ZBTB20: variants seen among roughly 807,000 people sequenced by gnomAD.
The protein encoded by ZBTB20 is zinc finger and BTB domain containing 20.
A neutral mutation model predicts 56.9 loss-of-function variants in ZBTB20; 9 were observed. That is an observed-to-expected ratio of 0.16 (90% CI 0.10 to 0.28). ZBTB20 has a LOEUF of 0.28. Among genes scored for constraint, ZBTB20 ranks in the 10% least tolerant of loss-of-function variants. The pLI, the probability that ZBTB20 is intolerant of heterozygous loss-of-function variation, is 1.00. For missense variants in ZBTB20, 655 were observed against 1,003.0 expected (o/e 0.65, Z 4.69); for synonymous variants, 417 against 420.7 (o/e 0.99, Z 0.11).
intron 6 of ZBTB20, among the ~76,000 whole-genome samples, chr3:114,510,919 A>T (rs2045294939): frequency 6.6e-6 from 1 of 152,024 alleles, no homozygotes; most frequent in East Asian, 1.9e-4. Flanking sequence ...GAACAGACTC[A>T]TGTTTTTCCA....
intron 5 of ZBTB20, among the ~76,000 whole-genome samples, chr3:114,782,251 A>G (rs2070159183): frequency 1.3e-5 from 2 of 152,202 alleles, no homozygotes; most frequent in Admixed American, 6.5e-5. Flanking sequence ...CTTGAAGACA[A>G]AAACTGTCCC....
At chr3:114,772,602 A>G (rs2069297294) in intron 5 of ZBTB20, among the ~76,000 whole-genome samples, 1 of 152,180 alleles carries the variant, frequency 6.6e-6, no homozygotes, top group Admixed American at 6.5e-5. Flanking sequence ...ACCAAGTTTC[A>G]TAACATATAT....
At chr3:114,776,238 G>C (rs2069598231) in intron 5 of ZBTB20, among the ~76,000 whole-genome samples, 1 of 150,430 alleles carries the variant, frequency 6.6e-6, no homozygotes, top group Non-Finnish European at 1.5e-5. Context: ...TCTAACTCTT[G>C]GAGTCTGAAT....
At chr3:114,660,588 A>T (rs1560096720) in intron 6 of ZBTB20, among the ~76,000 whole-genome samples, 1 of 152,118 alleles carries the variant, frequency 6.6e-6, no homozygotes. Flanking sequence ...TAAATGATAG[A>T]GTAATTGCCT....
At chr3:115,041,314 A>G (rs1228642858) in intron 2 of ZBTB20, among the ~76,000 whole-genome samples, 1 of 152,166 alleles carries the variant, frequency 6.6e-6, no homozygotes, top group Admixed American at 6.6e-5. Context: ...AAGGAACGAA[A>G]CTGAGGCTCA....
At chr3:114,907,951 A>T (rs1404564827) in intron 3 of ZBTB20, among the ~76,000 whole-genome samples, 2 of 151,906 alleles carry the variant, frequency 1.3e-5, no homozygotes, top group Non-Finnish European at 2.9e-5. Context: ...AAATGATGGG[A>T]TTGGGAGTTG....
At chr3:114,988,112 T>A (rs1436209741) in intron 2 of ZBTB20, among the ~76,000 whole-genome samples, 1 of 150,730 alleles carries the variant, frequency 6.6e-6, no homozygotes, top group African/African-American at 2.4e-5. Context: ...TTTTTTTAAT[T>A]ATGCTTTAAG....
intron 4 of ZBTB20, among the ~76,000 whole-genome samples, chr3:114,870,425 T>G (rs2075954640): frequency 6.7e-6 from 1 of 150,288 alleles, no homozygotes; most frequent in Non-Finnish European, 1.5e-5. Flanking sequence ...CACATACTGG[T>G]TGACCATTCT....
At chr3:115,044,196 A>C (rs1253266359) in intron 2 of ZBTB20, among the ~76,000 whole-genome samples, 1 of 152,142 alleles carries the variant, frequency 6.6e-6, no homozygotes, top group African/African-American at 2.4e-5. Context: ...TAGCAATACA[A>C]GAATGGCCTA....
At chr3:114,862,549 G>A (rs570943437) in intron 4 of ZBTB20, among the ~76,000 whole-genome samples, 163 of 152,250 alleles carry the variant, frequency 1.1e-3, no homozygotes, top group Non-Finnish European at 2.1e-3. Context: ...ATTATTGAGT[G>A]TGCACCTTGT....
In ZBTB20 at chr3:115,029,691, A is replaced by G. The variant is rs554342895; in HGVS notation, c.-507+41528T>C. ...TGCTGAGACAACTGGTTAAATATTTAGAACAGAGTAAATTTAGAGCCTATC... is the reference window on the plus strand; with the variant it reads ...TGCTGAGACAACTGGTTAAATATTTGGAACAGAGTAAATTTAGAGCCTATC... On this transcript the variant is annotated intron_variant, in intron 2 of 11. Transcript: ENST00000675478. 4.6e-5 allele frequency among the ~76,000 whole-genome samples: 7 copies of G among 151,052 alleles called. No homozygotes were observed. In the South Asian group the frequency reaches 1.4e-3, roughly 31 times the overall value.
intron 4 of ZBTB20, among the ~76,000 whole-genome samples, chr3:114,889,689 G>C (rs922659265): frequency 2.0e-5 from 3 of 152,042 alleles, no homozygotes; most frequent in Non-Finnish European, 2.9e-5. Context: ...TATTACAAAT[G>C]ACAGAGAACT....
At chr3:114,535,788 T>C (rs1284814888) in intron 6 of ZBTB20, among the ~76,000 whole-genome samples, 1 of 152,218 alleles carries the variant, frequency 6.6e-6, no homozygotes, top group African/African-American at 2.4e-5. Flanking sequence ...AAAAAGCTTA[T>C]CCACCACGAT....
intron 1 of ZBTB20, among the ~76,000 whole-genome samples, chr3:115,083,169 A>G (rs1576737500): frequency 6.6e-6 from 1 of 152,064 alleles, no homozygotes; most frequent in Non-Finnish European, 1.5e-5. Flanking sequence ...CAACTATTTT[A>G]TCATTCATAC....
chr3:114,693,339 G>T (rs889345981), intron 6 of ZBTB20, among the ~76,000 whole-genome samples, 189 bp downstream of exon 6: 1 of 152,078 alleles, frequency 6.6e-6, no homozygotes, highest in Non-Finnish European at 1.5e-5. Flanking sequence ...GAACAAATAG[G>T]ATATTAAAGA....
intron 4 of ZBTB20, among the ~76,000 whole-genome samples, chr3:114,870,757 G>A (rs2075973809): frequency 6.6e-6 from 1 of 152,012 alleles, no homozygotes; most frequent in Non-Finnish European, 1.5e-5. Context: ...CTTAGTCTTG[G>A]CCACTTTATT....
chr3:114,756,681 T>G (rs904442322), intron 5 of ZBTB20, among the ~76,000 whole-genome samples: 4 of 152,160 alleles, frequency 2.6e-5, no homozygotes, highest in African/African-American at 9.6e-5. Context: ...CAAAAACTTG[T>G]ATTCAGGCTA....
intron 3 of ZBTB20, chr3:114,904,204 A>G (rs910330065): frequency 3.3e-5 from 5 of 152,076 alleles, no homozygotes; most frequent in African/African-American, 9.7e-5. Context: ...GTCCAATTCT[A>G]TGTTACAGAA....
intron 7 of ZBTB20, chr3:114,418,925 C>A (rs1438959397): frequency 6.6e-6 from 1 of 152,038 alleles, no homozygotes; most frequent in Non-Finnish European, 1.5e-5. Flanking sequence ...TTAACCAGAT[C>A]TAACAAGCTA....
Sources: allele counts gnomAD v4.1 joint callset (sites outside exome capture counted in the v4.1 genomes callset), GRCh38; gene constraint gnomAD v4.1.1; transcripts MANE v1.5; gene names NCBI Gene and HGNC (gene_info 2026-07-23, HGNC 2026-07-21).